The following APBB1IP variants were observed in gnomAD, a reference collection of about 807,000 sequenced individuals.
APBB1IP encodes amyloid beta A4 precursor protein-binding family B member 1-interacting protein.
APBB1IP carries 27 observed loss-of-function variants against 64.9 expected under a neutral mutation model. The observed-to-expected ratio is 0.42, with a 90% confidence interval of 0.31 to 0.57. APBB1IP has a LOEUF of 0.57. Among genes scored for constraint, APBB1IP ranks in the 20% least tolerant of loss-of-function variants. APBB1IP has a pLI of 0.20. For synonymous variants in APBB1IP, 392 were observed against 331.0 expected, an observed-to-expected ratio of 1.18 and a Z score of -2.00; for missense variants, 812 against 845.5, an observed-to-expected ratio of 0.96 and a Z score of 0.49.
At chr10:26,457,340 T>C (rs1439976836) in intron 2 of APBB1IP, among the ~76,000 whole-genome samples, 2 of 152,216 alleles carry the variant, frequency 1.3e-5, no homozygotes, top group African/African-American at 4.8e-5. Context: ...AGGGTCTAAC[T>C]CTGCTGCCAG....
intron 2 of APBB1IP, among the ~76,000 whole-genome samples, chr10:26,442,962 C>CA (rs1305041381): frequency 1.1e-4 from 17 of 152,272 alleles, no homozygotes; most frequent in Admixed American, 3.9e-4. Context: ...TGGGTGGTCA[C>CA]AAGCAGCTTG....
intron 11 of APBB1IP, among the ~76,000 whole-genome samples, chr10:26,549,779 G>A (rs1419234969): frequency 6.6e-6 from 1 of 150,866 alleles, no homozygotes; most frequent in Admixed American, 6.6e-5. Context: ...ATTAATATTT[G>A]TGTTTTAGCC....
Position 26,541,454 on chromosome 10 carries a change from T to C in APBB1IP, c.1045-128T>C, listed in dbSNP as rs1349239093. 8.6e-6 allele frequency: 6 copies of C among 699,350 alleles called. 1 individual carries two copies. In the Admixed American group the frequency reaches 9.3e-5, roughly 11 times the overall value. 43.3% of individuals were successfully genotyped at this position (699,350 alleles called of 1,614,324 possible). ...AAAACCTATACATGGCAGATGTTTATATAAATTACCTAAAAGTCAATATTT... is the reference window on the plus strand; with the variant it reads ...AAAACCTATACATGGCAGATGTTTACATAAATTACCTAAAAGTCAATATTT... On this transcript the variant is annotated intron_variant, in intron 10 of 14. Transcript: ENST00000376236.
intron 10 of APBB1IP, among the ~76,000 whole-genome samples, chr10:26,537,391 G>A (rs1307946773): frequency 6.6e-6 from 1 of 152,090 alleles, no homozygotes; most frequent in Non-Finnish European, 1.5e-5. Flanking sequence ...CGGAAGACAG[G>A]AGGGGCATTA....
chr10:26,457,626 G>C (rs910428454), intron 2 of APBB1IP, among the ~76,000 whole-genome samples: 2 of 152,252 alleles, frequency 1.3e-5, no homozygotes, highest in Admixed American at 1.3e-4. Context: ...TAAGCCAGGG[G>C]ACCTGGGAAC....
intron 11 of APBB1IP, among the ~76,000 whole-genome samples, chr10:26,557,506 T>A (rs1463393457): frequency 6.6e-6 from 1 of 152,210 alleles, no homozygotes; most frequent in African/African-American, 2.4e-5. Context: ...GAGGAATTTT[T>A]AAAAAATCAT....
At chr10:26,565,566 C>T (rs1039194009) in intron 14 of APBB1IP, among the ~76,000 whole-genome samples, 1 of 152,218 alleles carries the variant, frequency 6.6e-6, no homozygotes, top group South Asian at 2.1e-4. Context: ...CCTCATTGAA[C>T]ATAGCCAGAT....
chr10:26,533,531 G>A lies in APBB1IP; in HGVS notation c.900+6G>A, dbSNP rs759897656. ...ACAAGGAATCCTTACTTGAGGTAAG[G>A]TTAATTTTGCAGAGTGGAAGAAAAG... On this transcript the variant is annotated splice_donor_region_variant and intron_variant, in intron 9 of 14. Transcript: ENST00000376236. 23 of 1,578,330 alleles carry A rather than the reference G, an allele frequency of 1.5e-5. No homozygotes were observed. The East Asian group carries it at 5.0e-4, about 35-fold the overall frequency.
Position 26,541,345 on chromosome 10 carries a change from A to G in APBB1IP, c.1045-237A>G, listed in dbSNP as rs183093099. 2.6e-5 allele frequency among the ~76,000 whole-genome samples: 4 copies of G among 152,298 alleles called. No homozygotes were observed. In the East Asian group the frequency reaches 7.7e-4, roughly 29 times the overall value. ...ACATTCAATATCTTTCATATTGGGA[A>G]AGATTTATGTATAGATCTTACTAAA... On this transcript the variant is annotated intron_variant, in intron 10 of 14. Transcript: ENST00000376236.
At chr10:26,561,553 T>C (rs187901476) in intron 13 of APBB1IP, among the ~76,000 whole-genome samples, 220 of 152,244 alleles carry the variant, frequency 1.4e-3, no homozygotes, top group African/African-American at 5.1e-3. Context: ...TAGATGTTTC[T>C]TATCAAAGTA....
At chr10:26,511,410 T>C (rs548794877) in intron 6 of APBB1IP, among the ~76,000 whole-genome samples, 1 of 152,292 alleles carries the variant, frequency 6.6e-6, no homozygotes, top group Non-Finnish European at 1.5e-5. Flanking sequence ...GGCTCCAGGA[T>C]GGAATGAGAA....
chr10:26,525,929 T>C (rs1836468343), intron 8 of APBB1IP, among the ~76,000 whole-genome samples: 1 of 152,212 alleles, frequency 6.6e-6, no homozygotes, highest in Admixed American at 6.5e-5. Flanking sequence ...GACAGGGACA[T>C]TCCTTTCCTC....
chr10:26,519,334 G>A (rs1282403912), intron 8 of APBB1IP, among the ~76,000 whole-genome samples: 1 of 152,176 alleles, frequency 6.6e-6, no homozygotes, highest in Non-Finnish European at 1.5e-5. Context: ...TCATGGTTCT[G>A]CAAGCTGTAC....
Position 26,536,223 on chromosome 10 carries a change from A to T in APBB1IP, c.1044+6A>T. The T allele has an allele frequency of 5.7e-5, 8 of 141,260 alleles. No individual in the cohort carries two copies. Among genetic ancestry groups the T allele is most frequent in the East Asian group, 3.5e-4 (1 of 2,896 alleles). The allele number at this position is 141,260 out of a possible 1,614,324, so 8.8% of individuals were successfully genotyped here. On this transcript the variant is annotated splice_donor_region_variant and intron_variant, in intron 10 of 14. Transcript: ENST00000376236. ...TACCCAAAGGAAAGACTAAGGTCAG[A>T]AAAAAAAAAAAAAAAGCACTTAGCA...
intron 11 of APBB1IP, among the ~76,000 whole-genome samples, chr10:26,542,577 A>G (rs1470193153): frequency 6.6e-6 from 1 of 152,192 alleles, no homozygotes; most frequent in Non-Finnish European, 1.5e-5. Context: ...ATTAAGGACT[A>G]TGGTAAGTTT....
intron 2 of APBB1IP, among the ~76,000 whole-genome samples, chr10:26,446,001 A>G (rs981435936): frequency 2.0e-5 from 3 of 152,244 alleles, no homozygotes; most frequent in African/African-American, 7.2e-5. Context: ...ACCTAGTAGA[A>G]CTGTGTTTTC....
At chr10:26,546,105 T>C (rs1197492600) in intron 11 of APBB1IP, among the ~76,000 whole-genome samples, 1 of 152,176 alleles carries the variant, frequency 6.6e-6, no homozygotes, top group Non-Finnish European at 1.5e-5. Flanking sequence ...AGTAACTGGG[T>C]CACTAATAAG....
chr10:26,563,293 C>T (rs1836997226), intron 14 of APBB1IP, among the ~76,000 whole-genome samples: 1 of 152,062 alleles, frequency 6.6e-6, no homozygotes, highest in Non-Finnish European at 1.5e-5. Context: ...TTCAAGGCTG[C>T]AGTGAGCTCT....
chr10:26,515,038 ATTT>A (rs10668002), intron 8 of APBB1IP, among the ~76,000 whole-genome samples: 3 of 133,036 alleles, frequency 2.3e-5, no homozygotes, highest in Non-Finnish European at 4.7e-5. Context: ...CCCCCGGCTA[ATTT>A]TTTTTTTTTT....
Sources: gnomAD v4.1 joint callset for allele counts (sites outside exome capture counted in the v4.1 genomes callset) on GRCh38, gnomAD v4.1.1 for gene constraint, MANE v1.5 for transcripts, NCBI Gene and HGNC (gene_info 2026-07-23, HGNC 2026-07-21) for gene names.